Variants in SCAF4 observed in about 807,000 individuals in gnomAD.
SCAF4 encodes SR-related CTD associated factor 4, also known as SR-related and CTD-associated factor 4.
Under a neutral mutation model 129.8 loss-of-function variants are expected in SCAF4, and 25 were observed. The observed-to-expected ratio is 0.19, with a 90% confidence interval of 0.14 to 0.27. SCAF4 has a LOEUF of 0.27. SCAF4 is among the 10% of genes least tolerant of loss of function. SCAF4 has a pLI of 1.00. For missense variants in SCAF4, 1,246 were observed against 1,457.1 expected, an observed-to-expected ratio of 0.86 and a Z score of 2.36; for synonymous variants, 551 against 497.7, an observed-to-expected ratio of 1.11 and a Z score of -1.43.
intron 7 of SCAF4, among the ~76,000 whole-genome samples, chr21:31,697,798 A>C (rs1387215416): frequency 1.3e-5 from 2 of 152,216 alleles, no homozygotes; most frequent in African/African-American, 4.8e-5. Context: ...CTAAGTGTAA[A>C]GTGTGTTTTG....
At chr21:31,692,241 C>T in intron 13 of SCAF4, 108 bp downstream of exon 13, 4 of 763,300 alleles carry the variant, frequency 5.2e-6, no homozygotes, top group South Asian at 3.1e-5. Context: ...ATTCTAGTCA[C>T]ATCTATAAAC....
Position 31,701,128 on chromosome 21 carries a change from T to C in SCAF4, c.644A>G (p.Gln215Arg), listed in dbSNP as rs1425405459. 1 of 1,607,506 alleles carries C rather than the reference T, an allele frequency of 6.2e-7. No individual in the cohort carries two copies. ...CACAGCATTGTCAAGGGCAGGAGAC[T>C]GTGGTTTTGGAGGCTGTTGAAAAGT... ...LQTFQQPPKP[Q>R]SPALDNAVMA... is the part of the protein sequence containing the mutation. Residue 215 changes from glutamine to arginine, a missense_variant, in exon 7 of 20, where the codon CAG becomes CGG. Coordinates refer to ENST00000286835, the MANE Select transcript of SCAF4 (RefSeq NM_020706.2).
rs1388333495 is a variant in SCAF4, at chr21:31,693,171, T to C, written c.1513+123A>G. On this transcript the variant is annotated intron_variant, in intron 12 of 19. Coordinates refer to ENST00000286835, the MANE Select transcript of SCAF4 (RefSeq NM_020706.2). The stretch of plus-strand genomic sequence containing the variant: ...ATAAACAAGGCACAAGAAAGCAATA[T>C]TTCAAATAAAAATCAACACAGTGGT... 12 of 698,056 alleles carry C rather than the reference T, an allele frequency of 1.7e-5. No homozygotes were observed. The Admixed American group carries it at 4.0e-4, about 23-fold the overall frequency. The allele number at this position is 698,056 out of a possible 1,614,324, so 43.2% of individuals were successfully genotyped here. A position where few individuals can be genotyped will look rare whatever the true frequency, so the allele number is the denominator to read the frequency against.
At position 31,731,762 on chromosome 21, in the gene SCAF4, CT is replaced by C; in HGVS notation, c.-71del. On this transcript the variant is annotated 5_prime_UTR_variant, in exon 1 of 20. Transcript: ENST00000286835. ...GACCTCGCGCCGCGGCGGAGCGGGG[CT>C]GGGAAACCAGCCGGGCCTGGTGGCC... 6.6e-7 allele frequency: 1 copy of C among 1,522,876 alleles called. No individual in the cohort carries two copies. Among genetic ancestry groups the C allele is most frequent in the Non-Finnish European group, 8.8e-7 (1 of 1,142,444 alleles). The allele number at this position is 1,522,876 out of a possible 1,614,324, so 94.3% of individuals were successfully genotyped here.
intron 7 of SCAF4, 180 bp downstream of exon 7, chr21:31,700,815 G>T: frequency 1.5e-6 from 1 of 656,258 alleles, no homozygotes. Context: ...TTTTTGCACT[G>T]AGCACATATC....
chr21:31,691,428 T>A (rs2123528809), intron 14 of SCAF4, among the ~76,000 whole-genome samples: 1 of 152,352 alleles, frequency 6.6e-6, no homozygotes, highest in East Asian at 1.9e-4. Context: ...TATACCTATA[T>A]GTTTTTCTCC....
intron 1 of SCAF4, among the ~76,000 whole-genome samples, chr21:31,721,725 C>CTGTTTT (rs1335252824): frequency 1.5e-4 from 19 of 125,448 alleles, no homozygotes; most frequent in African/African-American, 4.7e-4. Flanking sequence ...AAGAGCAATT[C>CTGTTTT]TTTTTTTTTT....
At chr21:31,727,620 C>T (rs1035440414) in intron 1 of SCAF4, among the ~76,000 whole-genome samples, 18 of 151,848 alleles carry the variant, frequency 1.2e-4, no homozygotes, top group Admixed American at 3.9e-4. Context: ...GGTGAAACCC[C>T]GTCTCTACTA....
At chr21:31,713,617 C>T (rs945405505) in intron 1 of SCAF4, among the ~76,000 whole-genome samples, 10 of 152,022 alleles carry the variant, frequency 6.6e-5, no homozygotes, top group African/African-American at 2.4e-4. Context: ...TGAAGGACAA[C>T]AGCCCAGGGA....
At chr21:31,688,283 T>G (rs1363204904) in intron 16 of SCAF4, 24 bp downstream of exon 16, 2 of 1,601,606 alleles carry the variant, frequency 1.2e-6, no homozygotes, top group South Asian at 1.1e-5. Flanking sequence ...ACTTAAAGTT[T>G]AAGTCATGTC....
intron 1 of SCAF4, among the ~76,000 whole-genome samples, chr21:31,725,448 G>A (rs1001323629): frequency 1.3e-5 from 2 of 152,084 alleles, no homozygotes; most frequent in African/African-American, 2.4e-5. Context: ...CAGCCCAACT[G>A]GATAAGTGTA....
chr21:31,702,231 C>G lies in SCAF4; in HGVS notation c.457+13G>C. 6.2e-7 allele frequency: 1 copy of G among 1,613,968 alleles called. No homozygotes were observed. Among genetic ancestry groups the G allele is most frequent in the Non-Finnish European group, 8.5e-7 (1 of 1,179,934 alleles). On this transcript the variant is annotated intron_variant, in intron 5 of 19. Transcript: ENST00000286835. ...ATACCATTGTGTGAGCTCACAGATACATCTGACCATACCTTCATTATTGGT... is the reference window on the plus strand; with the variant it reads ...ATACCATTGTGTGAGCTCACAGATAGATCTGACCATACCTTCATTATTGGT...
chr21:31,731,546 G>A, intron 1 of SCAF4, 117 bp downstream of exon 1: 7 of 1,265,192 alleles, frequency 5.5e-6, no homozygotes, highest in Non-Finnish European at 7.7e-6. Context: ...CGCCGCCCCG[G>A]AACCGGGGCA....
At position 31,710,319 on chromosome 21, in the gene SCAF4, C is replaced by T. The variant is rs533484357; in HGVS notation, c.31-3962G>A. The stretch of plus-strand genomic sequence containing the variant: ...ATCCCAGCACTTTGGGAGGCCAAGG[C>T]GGGCAGATCACCTGAGGTCAGGAGT... On this transcript the variant is annotated intron_variant, in intron 1 of 19. Coordinates refer to ENST00000286835, the MANE Select transcript of SCAF4 (RefSeq NM_020706.2). Among the ~76,000 whole-genome samples the T allele has an allele frequency of 2.7e-3, 416 of 152,074 alleles. 1 individual carries two copies. Among genetic ancestry groups the T allele is most frequent in the African/African-American group, 9.1e-3 (378 of 41,480 alleles).
intron 13 of SCAF4, 194 bp downstream of exon 13, chr21:31,692,155 C>T (rs2050274628): frequency 1.7e-6 from 1 of 587,212 alleles, no homozygotes; most frequent in Non-Finnish European, 3.0e-6. Flanking sequence ...CTTGGTTATC[C>T]AAGAAATGTT....
rs1169028880 is a variant in SCAF4 at position 31,695,183 on chromosome 21, ACT to A, written c.1069-205_1069-204del. Reference sequence around the variant, plus strand: ...AAGTATATAGGTTAAAAATCCTGTAACTCTTTTTAAAATTATGAACACACAGG... The same window carrying A: ...AAGTATATAGGTTAAAAATCCTGTAACTTTTTAAAATTATGAACACACAGG... On this transcript the variant is annotated intron_variant, in intron 9 of 19. Transcript: ENST00000286835. Among the ~76,000 whole-genome samples the A allele has an allele frequency of 3.3e-5, 5 of 152,164 alleles. No homozygotes were observed. The East Asian group carries it at 5.8e-4, about 18-fold the overall frequency.
rs1394870166 is a variant in SCAF4, at chr21:31,732,048, G to C, written c.-356C>G. 3 of 428,980 alleles carry C rather than the reference G, an allele frequency of 7.0e-6. No individual in the cohort carries two copies. Among genetic ancestry groups the C allele is most frequent in the South Asian group, 7.3e-5 (1 of 13,708 alleles). 26.6% of individuals were successfully genotyped at this position (428,980 alleles called of 1,614,324 possible). On this transcript the variant is annotated 5_prime_UTR_variant, in exon 1 of 20. Coordinates refer to ENST00000286835, the MANE Select transcript of SCAF4 (RefSeq NM_020706.2). ...TCACACTGGCCCGGCCGGCGAGCGGGCGGGCCTCTCTCTCCCTCTCTCCAG... is the reference window on the plus strand; with the variant it reads ...TCACACTGGCCCGGCCGGCGAGCGGCCGGGCCTCTCTCTCCCTCTCTCCAG...
At position 31,688,290 on chromosome 21, in the gene SCAF4, T is replaced by C. The variant is rs1472787288; in HGVS notation, c.2043+17A>G. On this transcript the variant is annotated intron_variant, in intron 16 of 19. Transcript: ENST00000286835. Reference sequence around the variant, plus strand: ...TTTCAGGCACTTAAAGTTTAAGTCATGTCCCAATATTCTCACCTGTGGAGG... The same window carrying C: ...TTTCAGGCACTTAAAGTTTAAGTCACGTCCCAATATTCTCACCTGTGGAGG... 6.2e-7 allele frequency: 1 copy of C among 1,606,646 alleles called. No homozygotes were observed. Among genetic ancestry groups the C allele is most frequent in the Non-Finnish European group, 8.5e-7 (1 of 1,176,486 alleles).
At chr21:31,704,586 G>C (rs936116151) in intron 3 of SCAF4, among the ~76,000 whole-genome samples, 2 of 150,778 alleles carry the variant, frequency 1.3e-5, no homozygotes, top group African/African-American at 4.9e-5. Flanking sequence ...GTGCATCACT[G>C]TAACAACCGC....
Sources: gnomAD v4.1 joint callset for allele counts (sites outside exome capture counted in the v4.1 genomes callset) on GRCh38, gnomAD v4.1.1 for gene constraint, MANE v1.5 for transcripts, NCBI Gene and HGNC (gene_info 2026-07-23, HGNC 2026-07-21) for gene names.